The following ELAVL4 variants were observed in gnomAD, a reference collection of about 807,000 sequenced individuals.
ELAVL4 encodes the protein ELAV like RNA binding protein 4.
Under a neutral mutation model 35.6 loss-of-function variants are expected in ELAVL4, and 1 was observed. The ratio of observed to expected loss-of-function variants is 0.03; its 90% CI spans 0.01 to 0.13. The LOEUF is 0.13. Among genes scored for constraint, ELAVL4 ranks in the 10% least tolerant of loss-of-function variants. The pLI is 1.00. For synonymous variants in ELAVL4, 156 were observed against 171.0 expected, an observed-to-expected ratio of 0.91 and a Z score of 0.69; for missense variants, 267 against 464.9, an observed-to-expected ratio of 0.57 and a Z score of 3.91.
intron 1 of ELAVL4, among the ~76,000 whole-genome samples, chr1:50,085,040 G>C (rs1054505516): frequency 1.3e-5 from 2 of 151,976 alleles, no homozygotes; most frequent in Admixed American, 6.6e-5. Context: ...CAAAGTGTAG[G>C]AACATTTTGA....
At chr1:50,133,008 C>T (rs1003040809) in intron 1 of ELAVL4, among the ~76,000 whole-genome samples, 1 of 152,066 alleles carries the variant, frequency 6.6e-6, no homozygotes, top group Non-Finnish European at 1.5e-5. Context: ...TACATTTTCT[C>T]ACATTATAAA....
At position 50,118,484 on chromosome 1, in the gene ELAVL4, C is replaced by A. The variant is rs114639591; in HGVS notation, c.9+9286C>A. Among the ~76,000 whole-genome samples, 66 of 115,200 alleles carry A rather than the reference C, an allele frequency of 5.7e-4. 1 individual carries two copies. Among genetic ancestry groups the A allele is most frequent in the African/African-American group, 3.0e-3 (64 of 21,176 alleles). 75.6% of individuals were successfully genotyped at this position (115,200 alleles called of 152,430 possible). A position where few individuals can be genotyped will look rare whatever the true frequency, so the allele number is the denominator to read the frequency against. ...TGCTGACCCTCAATTCATTACCCTCCCATTTGAAGGAAAAAAAAAGAGAGA... is the reference window on the plus strand; with the variant it reads ...TGCTGACCCTCAATTCATTACCCTCACATTTGAAGGAAAAAAAAAGAGAGA... On this transcript the variant is annotated intron_variant, in intron 1 of 6. Coordinates refer to ENST00000371824, the MANE Select transcript of ELAVL4 (RefSeq NM_001144774.3).
rs892120984 is a variant in ELAVL4 at position 50,068,412 on chromosome 1, G to T, written c.18+20230G>T. Among the ~76,000 whole-genome samples, 55 of 152,114 alleles carry T rather than the reference G, an allele frequency of 3.6e-4. 1 individual carries two copies. The highest frequency in any genetic ancestry group is 1.3e-3 in the African/African-American group (54 of 41,428). The stretch of plus-strand genomic sequence containing the variant: ...AGAGGTAGAAGACAGGACCAAGCTG[G>T]GACCAATGGCTGGAGGTTTCAAAAG... On this transcript the variant is annotated intron_variant, in intron 1 of 6. Transcript: ENST00000448907.
At chr1:50,116,140 A>G (rs753298656) in intron 1 of ELAVL4, among the ~76,000 whole-genome samples, 11 of 152,278 alleles carry the variant, frequency 7.2e-5, no homozygotes, top group Non-Finnish European at 1.5e-4. Context: ...AGGAAGAAAT[A>G]TAGAAGTTTG....
intron 1 of ELAVL4, among the ~76,000 whole-genome samples, chr1:50,116,363 T>C (rs903503961): frequency 9.2e-5 from 14 of 151,950 alleles, no homozygotes; most frequent in East Asian, 7.8e-4. Flanking sequence ...GCAGAAATCA[T>C]AGTTACTTTG....
intron 1 of ELAVL4, among the ~76,000 whole-genome samples, chr1:50,049,678 T>G (rs1000908573): frequency 6.6e-6 from 1 of 152,186 alleles, no homozygotes; most frequent in African/African-American, 2.4e-5. Flanking sequence ...AGCAAGTGGA[T>G]GGCTGGATTC....
chr1:50,145,866 T>A (rs552000148), intron 2 of ELAVL4, among the ~76,000 whole-genome samples: 1 of 152,352 alleles, frequency 6.6e-6, no homozygotes, highest in South Asian at 2.1e-4. Flanking sequence ...TACATGAGAT[T>A]TTTAGGTTCT....
chr1:50,137,867 G>C (rs2148663579), intron 1 of ELAVL4, among the ~76,000 whole-genome samples: 1 of 152,196 alleles, frequency 6.6e-6, no homozygotes, highest in African/African-American at 2.4e-5. Context: ...CTTTCTCCTT[G>C]TTCTCTTCTA....
intron 2 of ELAVL4, chr1:50,174,524 T>C (rs1256391788): frequency 6.6e-6 from 1 of 151,332 alleles, no homozygotes; most frequent in Non-Finnish European, 1.5e-5. Flanking sequence ...AGCACCCTCA[T>C]TCTTGATGTT....
At chr1:50,096,969 A>G (rs943200948) in intron 1 of ELAVL4, among the ~76,000 whole-genome samples, 17 of 152,208 alleles carry the variant, frequency 1.1e-4, no homozygotes, top group Non-Finnish European at 2.9e-5. Flanking sequence ...TAATCCCAGC[A>G]CTTTGAGAGG....
At chr1:50,055,320 G>A (rs1251463721) in intron 1 of ELAVL4, among the ~76,000 whole-genome samples, 2 of 151,586 alleles carry the variant, frequency 1.3e-5, no homozygotes. Flanking sequence ...TTTTGTTTGA[G>A]ACAGAGTCTC....
At chr1:50,134,655 C>G (rs1270946563) in intron 1 of ELAVL4, among the ~76,000 whole-genome samples, 3 of 152,010 alleles carry the variant, frequency 2.0e-5, no homozygotes, top group African/African-American at 7.2e-5. Context: ...CTGACTTAAA[C>G]AAAGAAAGCT....
upstream of ELAVL4, among the ~76,000 whole-genome samples, chr1:50,103,307 C>T (rs1481900709): frequency 6.6e-6 from 1 of 152,174 alleles, no homozygotes; most frequent in East Asian, 1.9e-4. Flanking sequence ...GGTCATATAT[C>T]TCACAGAGAA....
intron 1 of ELAVL4, among the ~76,000 whole-genome samples, chr1:50,140,255 T>C (rs1028124956): frequency 5.8e-4 from 89 of 152,372 alleles, no homozygotes; most frequent in African/African-American, 2.1e-3. Flanking sequence ...GAGTAACTGA[T>C]ATATTTATTT....
chr1:50,103,854 A>T (rs2148515991), upstream of ELAVL4: 2 of 1,543,804 alleles, frequency 1.3e-6, no homozygotes, highest in East Asian at 2.3e-5. Flanking sequence ...CAGCCGGAAC[A>T]GGAGGAAAAG....
At chr1:50,069,032 A>G (rs762726099) in intron 1 of ELAVL4, among the ~76,000 whole-genome samples, 44 of 152,222 alleles carry the variant, frequency 2.9e-4, no homozygotes, top group Non-Finnish European at 6.2e-4. Context: ...ACAGGTAGTA[A>G]TCACTGAGGC....
At chr1:50,063,620 GA>G (rs1393174159) in intron 1 of ELAVL4, among the ~76,000 whole-genome samples, 2 of 152,080 alleles carry the variant, frequency 1.3e-5, no homozygotes, top group Non-Finnish European at 2.9e-5. Context: ...ATCACTTGGG[GA>G]CTTTTGCCAT....
chr1:50,070,022 G>A (rs952399511), intron 1 of ELAVL4, among the ~76,000 whole-genome samples: 2 of 152,162 alleles, frequency 1.3e-5, no homozygotes, highest in East Asian at 3.9e-4. Flanking sequence ...AGGTAGATTT[G>A]CTAAGTATAG....
rs1408285516 is a variant in ELAVL4, at chr1:50,202,989, C to A, written c.*1811C>A. 6.6e-6 allele frequency: 1 copy of A among 152,122 alleles called. No homozygotes were observed. Among genetic ancestry groups the A allele is most frequent in the Non-Finnish European group, 1.5e-5 (1 of 68,016 alleles). The allele number at this position is 152,122 out of a possible 1,614,324, so 9.4% of individuals were successfully genotyped here. The stretch of plus-strand genomic sequence containing the variant: ...ACTCTCCCACGTCCAGTGCACTGAT[C>A]ATTTTAGTATGTTTGTGCTTTGTAC... On this transcript the variant is annotated 3_prime_UTR_variant, in exon 7 of 7. Transcript: ENST00000371824.
Sources: allele counts gnomAD v4.1 joint callset (sites outside exome capture counted in the v4.1 genomes callset), GRCh38; gene constraint gnomAD v4.1.1; transcripts MANE v1.5; gene names NCBI Gene and HGNC (gene_info 2026-07-23, HGNC 2026-07-21).